The following BRINP3 variants were observed in gnomAD, a reference collection of about 807,000 sequenced individuals.
The protein encoded by BRINP3 is BMP/retinoic acid inducible neural specific 3, also known as BMP/retinoic acid-inducible neural-specific protein 3.
In BRINP3, 19 loss-of-function variants were observed where a neutral mutation model predicts 71.0. The observed-to-expected ratio is 0.27, with a 90% CI of 0.19 to 0.39. The LOEUF is 0.39. Among genes scored for constraint, BRINP3 ranks in the 10% least tolerant of loss-of-function variants. BRINP3 has a pLI of 1.00. For synonymous variants in BRINP3, 380 were observed against 337.7 expected (o/e 1.13, Z -1.37); for missense variants, 959 against 940.8 (o/e 1.02, Z -0.25).
At chr1:190,117,493 C>G (rs1327431676) in intron 7 of BRINP3, among the ~76,000 whole-genome samples, 1 of 151,920 alleles carries the variant, frequency 6.6e-6, no homozygotes, top group Non-Finnish European at 1.5e-5. Context: ...TCAAACATTA[C>G]TCAAATATTG....
chr1:190,362,558 A>G (rs1380490818), intron 2 of BRINP3, among the ~76,000 whole-genome samples: 119 of 152,248 alleles, frequency 7.8e-4, no homozygotes, highest in Non-Finnish European at 2.1e-4. Flanking sequence ...GATGGCCTCT[A>G]ATGTGGTTTG....
At chr1:190,286,121 T>A (rs1663407820) in intron 2 of BRINP3, among the ~76,000 whole-genome samples, 1 of 152,178 alleles carries the variant, frequency 6.6e-6, no homozygotes, top group South Asian at 2.1e-4. Context: ...AACATTACTT[T>A]GAAAATATTT....
intron 6 of BRINP3, among the ~76,000 whole-genome samples, chr1:190,182,620 G>C (rs544590897): frequency 6.6e-6 from 1 of 152,056 alleles, no homozygotes; most frequent in Non-Finnish European, 1.5e-5. Context: ...GTTCAGCTCA[G>C]CGAGGTAATC....
At chr1:190,100,860 T>C (rs928956448) in intron 7 of BRINP3, among the ~76,000 whole-genome samples, 2 of 152,200 alleles carry the variant, frequency 1.3e-5, no homozygotes, top group African/African-American at 4.8e-5. Context: ...CCAAAGTTCA[T>C]GTGCTGGGAA....
chr1:190,271,534 C>T (rs1332316091), intron 3 of BRINP3, among the ~76,000 whole-genome samples: 1 of 151,364 alleles, frequency 6.6e-6, no homozygotes, highest in Non-Finnish European at 1.5e-5. Context: ...CATTCCATAC[C>T]TAGAAGTTTC....
chr1:190,282,111 GA>G (rs769205198), intron 2 of BRINP3, among the ~76,000 whole-genome samples: 2 of 151,584 alleles, frequency 1.3e-5, no homozygotes, highest in Non-Finnish European at 1.5e-5. Flanking sequence ...AGGTATATTG[GA>G]AAAAAAGAAT....
At chr1:190,206,341 A>C (rs916480416) in intron 6 of BRINP3, among the ~76,000 whole-genome samples, 3 of 152,084 alleles carry the variant, frequency 2.0e-5, no homozygotes, top group Admixed American at 2.0e-4. Flanking sequence ...ATAAATAAAT[A>C]AATGTCAATG....
chr1:190,311,542 A>G (rs1665518045), intron 2 of BRINP3, among the ~76,000 whole-genome samples: 1 of 151,694 alleles, frequency 6.6e-6, no homozygotes, highest in African/African-American at 2.4e-5. Flanking sequence ...GGATTCAAAA[A>G]GTAATATTAA....
At chr1:190,262,181 T>G (rs1240286090) in intron 4 of BRINP3, among the ~76,000 whole-genome samples, 6 of 152,156 alleles carry the variant, frequency 3.9e-5, no homozygotes, top group Admixed American at 6.5e-5. Flanking sequence ...GGCTCCACTC[T>G]TGCTTGAACA....
chr1:190,212,405 G>A (rs970057869), intron 6 of BRINP3, among the ~76,000 whole-genome samples: 1 of 152,034 alleles, frequency 6.6e-6, no homozygotes, highest in Non-Finnish European at 1.5e-5. Flanking sequence ...ACCCTGGATT[G>A]AATGCCTCAA....
chr1:190,259,631 T>A (rs1571546495), intron 4 of BRINP3, among the ~76,000 whole-genome samples: 1 of 104,102 alleles, frequency 9.6e-6, no homozygotes, highest in Non-Finnish European at 1.8e-5. Context: ...AATAAATAAA[T>A]AAATAAATAA....
intron 6 of BRINP3, among the ~76,000 whole-genome samples, chr1:190,211,049 C>A (rs1216391751): frequency 6.6e-6 from 1 of 152,076 alleles, no homozygotes; most frequent in Non-Finnish European, 1.5e-5. Context: ...CTGAAGGCTA[C>A]ACTGTCAGCT....
chr1:190,472,530 CTT>C (rs1677202782), intron 1 of BRINP3, among the ~76,000 whole-genome samples: 1 of 151,580 alleles, frequency 6.6e-6, no homozygotes, highest in African/African-American at 2.4e-5. Context: ...CGTCTGAACT[CTT>C]TTAATATTAA....
At chr1:190,296,099 G>T (rs1664233285) in intron 2 of BRINP3, among the ~76,000 whole-genome samples, 1 of 150,132 alleles carries the variant, frequency 6.7e-6, no homozygotes. Context: ...GGCTTTTGGT[G>T]TTATATTTAA....
rs115556393 is a variant in BRINP3, at chr1:190,268,822, A to G, written c.428-3767T>C. Reference sequence around the variant, plus strand: ...CATTTAAACAGCACAAAAAATGTGAAACATACATGAAAAGATTTGTAAATC... The same window carrying G: ...CATTTAAACAGCACAAAAAATGTGAGACATACATGAAAAGATTTGTAAATC... On this transcript the variant is annotated intron_variant, in intron 3 of 7. Coordinates refer to ENST00000367462, the MANE Select transcript of BRINP3 (RefSeq NM_199051.3). Among the ~76,000 whole-genome samples the G allele has an allele frequency of 2.1e-3, 327 of 152,286 alleles. 3 individuals are homozygous for G. The highest frequency in any genetic ancestry group is 7.3e-3 in the African/African-American group (305 of 41,572).
chr1:190,343,810 C>T (rs776222527), intron 2 of BRINP3, among the ~76,000 whole-genome samples: 18 of 151,500 alleles, frequency 1.2e-4, no homozygotes, highest in Non-Finnish European at 2.1e-4. Flanking sequence ...ATGAAATGGG[C>T]TGTATCATAC....
intron 3 of BRINP3, among the ~76,000 whole-genome samples, chr1:190,281,105 CT>C (rs936725590): frequency 2.6e-5 from 4 of 151,834 alleles, no homozygotes; most frequent in African/African-American, 9.7e-5. Context: ...TTGTTTATCA[CT>C]TTTTCCGTAC....
intron 6 of BRINP3, among the ~76,000 whole-genome samples, chr1:190,199,817 C>T (rs559008282): frequency 6.7e-6 from 1 of 149,362 alleles, no homozygotes; most frequent in Admixed American, 6.6e-5. Context: ...AAAAACCTAA[C>T]CATTTTTCTT....
At chr1:190,448,522 G>C (rs1051307451) in intron 2 of BRINP3, among the ~76,000 whole-genome samples, 11 of 149,800 alleles carry the variant, frequency 7.3e-5, no homozygotes, top group Admixed American at 7.3e-4. Flanking sequence ...AATCAAAATA[G>C]CAGATTAAAG....
Sources: gnomAD v4.1 joint callset for allele counts (sites outside exome capture counted in the v4.1 genomes callset) on GRCh38, gnomAD v4.1.1 for gene constraint, MANE v1.5 for transcripts, NCBI Gene and HGNC (gene_info 2026-07-23, HGNC 2026-07-21) for gene names.